Variants in MLN observed in about 807,000 individuals in gnomAD.
MLN encodes promotilin.
Under a neutral mutation model 13.3 loss-of-function variants are expected in MLN, and 14 were observed. The observed-to-expected ratio is 1.05, with a 90% CI of 0.69 to 1.64. The LOEUF is 1.64. MLN is among the 40% of genes most tolerant of loss of function. MLN has a pLI of 0.00. For missense variants in MLN, 122 were observed against 142.9 expected, an observed-to-expected ratio of 0.85 and a Z score of 0.75; for synonymous variants, 59 against 54.7, an observed-to-expected ratio of 1.08 and a Z score of -0.34.
chr6:33,800,976 C>A, intron 2 of MLN, 71 bp downstream of exon 2: 1 of 1,217,860 alleles, frequency 8.2e-7, no homozygotes, highest in Non-Finnish European at 1.2e-6. Flanking sequence ...TTTACACTTT[C>A]CTTGGTATCA....
At chr6:33,798,323 G>A (rs989557159) in intron 3 of MLN, among the ~76,000 whole-genome samples, 5 of 152,210 alleles carry the variant, frequency 3.3e-5, no homozygotes, top group African/African-American at 9.7e-5. Flanking sequence ...TGTCCCCAGT[G>A]CCTGGAACAG....
chr6:33,794,850 A>G lies in MLN; in HGVS notation c.338-15T>C, dbSNP rs1767871296. ...TCACTTGGCTGCTGGAGAAAAGCAGAGGTTTGCGCTCAGTACCATCATCAG... is the reference window on the plus strand; with the variant it reads ...TCACTTGGCTGCTGGAGAAAAGCAGGGGTTTGCGCTCAGTACCATCATCAG... On this transcript the variant is annotated splice_polypyrimidine_tract_variant and intron_variant, in intron 4 of 4. Coordinates refer to ENST00000430124, the MANE Select transcript of MLN (RefSeq NM_002418.3). 1.2e-6 allele frequency: 2 copies of G among 1,613,400 alleles called. No individual in the cohort carries two copies. The highest frequency in any genetic ancestry group is 2.2e-5 in the South Asian group (2 of 90,996).
chr6:33,798,375 T>A (rs531138394), intron 3 of MLN, among the ~76,000 whole-genome samples: 8 of 152,286 alleles, frequency 5.3e-5, no homozygotes, highest in African/African-American at 1.2e-4. Context: ...ATCACCCAAA[T>A]AAACGAGTCT....
intron 1 of MLN, among the ~76,000 whole-genome samples, 168 bp from the exon 2 acceptor site, chr6:33,801,338 A>G (rs1363011371): frequency 6.6e-6 from 1 of 152,198 alleles, no homozygotes; most frequent in African/African-American, 2.4e-5. Context: ...GCTTGAGCAG[A>G]TGAGCTCTGA....
In MLN at chr6:33,801,136, G is replaced by A; in HGVS notation, c.28C>T (p.Leu10=). 16 of 1,613,996 alleles carry A rather than the reference G, an allele frequency of 9.9e-6. No homozygotes were observed. The highest frequency in any genetic ancestry group is 1.4e-5 in the Non-Finnish European group (16 of 1,179,938). Residue 10 remains leucine, a synonymous_variant, in exon 2 of 5, where the codon CTG becomes TTG. Coordinates refer to ENST00000430124, the MANE Select transcript of MLN (RefSeq NM_002418.3). ...ATGGCAGCTACATGCACCACCAGCA[G>A]AGCAGCCACAGCCTTACGGGATACC... The part of the protein sequence containing the change: MVSRKAVAA[L]LVVHVAAMLA...
chr6:33,794,945 T>C, intron 4 of MLN, 110 bp from the exon 5 acceptor site: 1 of 1,389,282 alleles, frequency 7.2e-7, no homozygotes, highest in Non-Finnish European at 9.9e-7. Context: ...AAGGGCAGGC[T>C]GGGCGGGAAG....
chr6:33,797,342 C>T (rs1767949761), intron 3 of MLN, among the ~76,000 whole-genome samples: 1 of 152,222 alleles, frequency 6.6e-6, no homozygotes, highest in Non-Finnish European at 1.5e-5. Flanking sequence ...TCCCTCTAAC[C>T]ACGGATGACT....
rs1760904015 is a variant in MLN, at chr6:33,803,649, G to A, written c.-8+304C>T. Among the ~76,000 whole-genome samples, 1 of 152,194 alleles carries A rather than the reference G, an allele frequency of 6.6e-6. No homozygotes were observed. The highest frequency in any genetic ancestry group is 2.4e-5 in the African/African-American group (1 of 41,446). On this transcript the variant is annotated intron_variant, in intron 1 of 4. Transcript: ENST00000430124. This position sits in a 1 kb window ranked among gnomAD's most constrained non-coding sequence, Gnocchi z 4.5. ...GAGCAAAGCCACCATGCCAAGAGGG[G>A]CCCTGCGCCCATGATGAGCTCTGGC...
chr6:33,794,791 C>T lies in MLN; in HGVS notation c.*34G>A, dbSNP rs1343598515. ...GGCCTCACTTGGGCAGGAGGGGCCT[C>T]CCAAATCTGTCCACCTTCTCCCCAG... On this transcript the variant is annotated 3_prime_UTR_variant, in exon 5 of 5. Transcript: ENST00000430124. The T allele has an allele frequency of 1.9e-6, 3 of 1,612,718 alleles. No individual in the cohort carries two copies. The South Asian group carries it at 3.3e-5, about 18-fold the overall frequency.
At chr6:33,798,406 G>A (rs894184785) in intron 3 of MLN, among the ~76,000 whole-genome samples, 1 of 152,222 alleles carries the variant, frequency 6.6e-6, no homozygotes, top group African/African-American at 2.4e-5. Context: ...AGAGCTCATG[G>A]GACAAGCTCA....
Position 33,799,601 on chromosome 6 carries a change from GAC to G in MLN, c.118-382_118-381del, listed in dbSNP as rs1240581264. 1.3e-5 allele frequency among the ~76,000 whole-genome samples: 2 copies of G among 152,182 alleles called. No individual in the cohort carries two copies. The highest frequency in any genetic ancestry group is 2.9e-5 in the Non-Finnish European group (2 of 68,034). On this transcript the variant is annotated intron_variant, in intron 2 of 4. Coordinates refer to ENST00000430124, the MANE Select transcript of MLN (RefSeq NM_002418.3). The surrounding 1 kb of genome is among the most constrained non-coding windows in gnomAD (Gnocchi z 4.6). ...AGAGAGCCTATAAAAAAGGTAGTGA[GAC>G]AGCCTAGCCTGGGAGGGTGCCATGG... is the stretch of plus-strand genomic sequence containing the variant.
In MLN at chr6:33,803,953, G is replaced by C. The variant is rs762325988; in HGVS notation, c.-8C>G. ...CCCACTTTCTCCAAGGGCTACTTAC[G>C]GCGTGCACGTGGTCTGAGTGGGTCT... On this transcript the variant is annotated splice_region_variant and 5_prime_UTR_variant, in exon 1 of 5. Coordinates refer to ENST00000430124, the MANE Select transcript of MLN (RefSeq NM_002418.3). The surrounding 1 kb of genome is among the most constrained non-coding windows in gnomAD (Gnocchi z 4.5). 1.3e-5 allele frequency: 2 copies of C among 152,362 alleles called. No individual in the cohort carries two copies. The highest frequency in any genetic ancestry group is 2.9e-5 in the Non-Finnish European group (2 of 68,178). The allele number at this position is 152,362 out of a possible 1,614,324, so 9.4% of individuals were successfully genotyped here.
In MLN at chr6:33,800,902, C is replaced by T. The variant is rs546064794; in HGVS notation, c.117+145G>A. The T allele has an allele frequency of 1.9e-3, 1,269 of 675,558 alleles. 6 individuals carry two copies. The highest frequency in any genetic ancestry group is 2.1e-3 in the Non-Finnish European group (756 of 368,008). 41.8% of individuals were successfully genotyped at this position (675,558 alleles called of 1,614,324 possible). A position where few individuals can be genotyped will look rare whatever the true frequency, so the allele number is the denominator to read the frequency against. Reference sequence around the variant, plus strand: ...AGCCACTGACATATCTGAGTGATGCCAGTGAAGGCGTGAAGGTGGCCAGAG... The same window carrying T: ...AGCCACTGACATATCTGAGTGATGCTAGTGAAGGCGTGAAGGTGGCCAGAG... On this transcript the variant is annotated intron_variant, in intron 2 of 4. Coordinates refer to ENST00000430124, the MANE Select transcript of MLN (RefSeq NM_002418.3).
chr6:33,797,251 C>T (rs76152977), intron 3 of MLN, among the ~76,000 whole-genome samples: 1,814 of 152,290 alleles, frequency 0.012, 41 homozygotes, highest in African/African-American at 0.036. Flanking sequence ...TATGTGGTAG[C>T]GACCCACACT....
chr6:33,802,420 G>T (rs1281470127), intron 1 of MLN, among the ~76,000 whole-genome samples: 1 of 152,160 alleles, frequency 6.6e-6, no homozygotes, highest in Non-Finnish European at 1.5e-5. Context: ...GAGAGGGTCT[G>T]CCCTGGAAAG....
chr6:33,801,386 C>G (rs1357039515), intron 1 of MLN, among the ~76,000 whole-genome samples: 5 of 152,230 alleles, frequency 3.3e-5, no homozygotes, highest in Non-Finnish European at 7.3e-5. Context: ...GCTGGCCAAG[C>G]TCCTGGGAAA....
At position 33,800,991 on chromosome 6, in the gene MLN, C is replaced by T. The variant is rs1287173382; in HGVS notation, c.117+56G>A. ...TTTACACTTTCCTTGGTATCACCGG[C>T]ATAGGTCATAGTGACCTCAGCCTTG... On this transcript the variant is annotated intron_variant, in intron 2 of 4. Coordinates refer to ENST00000430124, the MANE Select transcript of MLN (RefSeq NM_002418.3). 13 of 1,340,890 alleles carry T rather than the reference C, an allele frequency of 9.7e-6. No individual in the cohort carries two copies. The South Asian group carries it at 1.4e-4, about 15-fold the overall frequency. 83.1% of individuals were successfully genotyped at this position (1,340,890 alleles called of 1,614,324 possible).
intron 3 of MLN, among the ~76,000 whole-genome samples, chr6:33,795,880 G>A (rs756077734): frequency 6.6e-5 from 10 of 152,046 alleles, no homozygotes; most frequent in Non-Finnish European, 1.3e-4. Context: ...AACCCCAGCA[G>A]GCTTTTCTCA....
Position 33,801,041 on chromosome 6 carries a change from T to C in MLN, c.117+6A>G, listed in dbSNP as rs1768032140. On this transcript the variant is annotated splice_donor_region_variant and intron_variant, in intron 2 of 4. Coordinates refer to ENST00000430124, the MANE Select transcript of MLN (RefSeq NM_002418.3). ...GCTAGCAGGGCAGGCAGCAGGGGGT[T>C]CTTACCTGCATCCTCTGGAGTTCGC... The C allele has an allele frequency of 1.9e-6, 3 of 1,607,542 alleles. No individual in the cohort carries two copies. In the African/African-American group the frequency reaches 4.0e-5, roughly 21 times the overall value.
Sources: gnomAD v4.1 joint callset for allele counts (sites outside exome capture counted in the v4.1 genomes callset) on GRCh38, gnomAD v4.1.1 for gene constraint, Gnocchi (gnomAD v3.1) non-coding constraint, MANE v1.5 for transcripts, NCBI Gene and HGNC (gene_info 2026-07-23, HGNC 2026-07-21) for gene names.